The following WWC2 variants were observed in gnomAD, a reference collection of about 807,000 sequenced individuals.
WWC2 encodes the protein WW and C2 domain containing 2.
Under a neutral mutation model 138.5 loss-of-function variants are expected in WWC2, and 101 were observed. That is an observed-to-expected ratio of 0.73 (90% CI 0.62 to 0.86). WWC2 has a LOEUF of 0.86. Ranked by LOEUF, WWC2 falls within the 40% of genes least tolerant of loss-of-function variation. WWC2 has a pLI of 0.00. For missense variants in WWC2, 1,420 were observed against 1,419.4 expected (o/e 1.00, Z -0.01); for synonymous variants, 558 against 538.4 (o/e 1.04, Z -0.50).
At chr4:183,216,392 T>C (rs1036787699) in intron 4 of WWC2, among the ~76,000 whole-genome samples, 2 of 152,156 alleles carry the variant, frequency 1.3e-5, no homozygotes, top group African/African-American at 4.8e-5. Flanking sequence ...AGAGAGAAGG[T>C]GATATTGGTG....
chr4:183,161,321 A>C (rs1322304992), intron 1 of WWC2, among the ~76,000 whole-genome samples: 2 of 152,198 alleles, frequency 1.3e-5, no homozygotes, highest in African/African-American at 4.8e-5. Context: ...TTGAGCTTTT[A>C]AGGCCTGTTA....
At chr4:183,156,029 T>A (rs1341120876) in intron 1 of WWC2, among the ~76,000 whole-genome samples, 1 of 220 alleles carries the variant, frequency 4.5e-3, no homozygotes, top group African/African-American at 8.5e-3. Context: ...TTTCTTTCCT[T>A]TTTTTTTTCT....
At chr4:183,214,185 G>C (rs971040067) in intron 4 of WWC2, among the ~76,000 whole-genome samples, 1 of 152,136 alleles carries the variant, frequency 6.6e-6, no homozygotes, top group Non-Finnish European at 1.5e-5. Flanking sequence ...TATTTGCACC[G>C]CATTCCAAAC....
At chr4:183,121,612 ATATT>A (rs1373723061) in intron 1 of WWC2, among the ~76,000 whole-genome samples, 1 of 152,170 alleles carries the variant, frequency 6.6e-6, no homozygotes, top group African/African-American at 2.4e-5. Context: ...GTACCAATAT[ATATT>A]CCCAGTAACC....
chr4:183,243,737 C>CTGTGTGTGTGTGTG (rs56654737), intron 5 of WWC2, among the ~76,000 whole-genome samples: 2 of 129,996 alleles, frequency 1.5e-5, no homozygotes, highest in African/African-American at 5.8e-5. Flanking sequence ...ATTCTAAACA[C>CTGTGTGTGTGTGTG]TGTGTGTGTG....
chr4:183,270,759 A>G (rs2111381150), intron 15 of WWC2, among the ~76,000 whole-genome samples: 1 of 152,262 alleles, frequency 6.6e-6, no homozygotes, highest in African/African-American at 2.4e-5. Context: ...GCAAGACTCC[A>G]TCTCAAAAAT....
At chr4:183,229,623 G>T (rs1355276846) in intron 4 of WWC2, among the ~76,000 whole-genome samples, 1 of 151,968 alleles carries the variant, frequency 6.6e-6, no homozygotes. Context: ...TCACCTCTGT[G>T]GTATTCTTTT....
chr4:183,256,029 T>G (rs2111346700), intron 9 of WWC2, among the ~76,000 whole-genome samples: 1 of 152,248 alleles, frequency 6.6e-6, no homozygotes, highest in South Asian at 2.1e-4. Flanking sequence ...GTAAGTGGTG[T>G]GGATATGATA....
At chr4:183,262,430 C>T (rs771025506) in intron 11 of WWC2, among the ~76,000 whole-genome samples, 1 of 152,218 alleles carries the variant, frequency 6.6e-6, no homozygotes, top group Non-Finnish European at 1.5e-5. Flanking sequence ...TTCCTGTTCC[C>T]AGAAGCATTT....
intron 1 of WWC2, among the ~76,000 whole-genome samples, chr4:183,156,551 C>T (rs932809154): frequency 6.6e-6 from 1 of 152,042 alleles, no homozygotes; most frequent in Non-Finnish European, 1.5e-5. Flanking sequence ...AGACTGTTTT[C>T]GAACTCCTGA....
Position 183,315,776 on chromosome 4 carries a change from G to A in WWC2, c.*47G>A. 2 of 1,490,102 alleles carry A rather than the reference G, an allele frequency of 1.3e-6. No homozygotes were observed. Among genetic ancestry groups the A allele is most frequent in the South Asian group, 2.4e-5 (2 of 82,062 alleles). 92.3% of individuals were successfully genotyped at this position (1,490,102 alleles called of 1,614,324 possible). ...TTTTTCATCTGTTCACTTTCTTAGGGAGGGTAAAAGACTGAAGATTTGTGT... is the reference window on the plus strand; with the variant it reads ...TTTTTCATCTGTTCACTTTCTTAGGAAGGGTAAAAGACTGAAGATTTGTGT... On this transcript the variant is annotated 3_prime_UTR_variant, in exon 23 of 23. Coordinates refer to ENST00000403733, the MANE Select transcript of WWC2 (RefSeq NM_024949.6).
Position 183,132,752 on chromosome 4 carries a change from C to T in WWC2, c.131+33130C>T, listed in dbSNP as rs937228150. Among the ~76,000 whole-genome samples, 42 of 151,910 alleles carry T rather than the reference C, an allele frequency of 2.8e-4. 1 individual carries two copies. The highest frequency in any genetic ancestry group is 8.4e-4 in the African/African-American group (35 of 41,450). ...ACAGGCGTGAGCCACCGCGCCCGGC[C>T]GATTTTCTGTTTCTTTTGAGGTAAT... On this transcript the variant is annotated intron_variant, in intron 1 of 22. Transcript: ENST00000403733.
intron 6 of WWC2, among the ~76,000 whole-genome samples, chr4:183,248,445 AT>A (rs1736863685): frequency 6.6e-6 from 1 of 152,212 alleles, no homozygotes; most frequent in African/African-American, 2.4e-5. Context: ...ACATGCATGT[AT>A]TTTAAAGATA....
chr4:183,218,790 T>A lies in WWC2; in HGVS notation c.522+9765T>A, dbSNP rs559785102. Among the ~76,000 whole-genome samples the A allele has an allele frequency of 2.0e-4, 31 of 152,320 alleles. No individual in the cohort carries two copies. The South Asian group carries it at 4.4e-3, about 21-fold the overall frequency. On this transcript the variant is annotated intron_variant, in intron 4 of 22. Transcript: ENST00000403733. ...ACTAGGTTAGAGAGGTCAGTTTTTT[T>A]ATTCTGATCAGGGCTTCAACTGATT...
intron 21 of WWC2, among the ~76,000 whole-genome samples, chr4:183,299,933 A>G (rs1738772439): frequency 6.6e-6 from 1 of 152,212 alleles, no homozygotes; most frequent in African/African-American, 2.4e-5. Flanking sequence ...GAAAACTGTC[A>G]GGTCTCAGGG....
chr4:183,236,738 G>A (rs1343771302), intron 4 of WWC2, among the ~76,000 whole-genome samples: 1 of 152,130 alleles, frequency 6.6e-6, no homozygotes, highest in African/African-American at 2.4e-5. Flanking sequence ...TTTTGCTCAG[G>A]ATATTCTGGG....
intron 4 of WWC2, among the ~76,000 whole-genome samples, chr4:183,231,341 C>T (rs537589817): frequency 5.4e-4 from 77 of 143,344 alleles, no homozygotes; most frequent in African/African-American, 1.9e-3. Context: ...GCGATCTCAG[C>T]TCATCACAAC....
chr4:183,131,742 T>C (rs955951741), intron 1 of WWC2, among the ~76,000 whole-genome samples: 6 of 152,246 alleles, frequency 3.9e-5, no homozygotes, highest in Non-Finnish European at 8.8e-5. Flanking sequence ...TTTTGTTTTT[T>C]GTTCATCCTG....
intron 9 of WWC2, 50 bp from the exon 10 acceptor site, chr4:183,259,589 G>C: frequency 7.6e-7 from 1 of 1,315,544 alleles, no homozygotes; most frequent in Admixed American, 2.5e-5. Flanking sequence ...TTTCCTTTTA[G>C]TTTTCATATT....
Sources: gnomAD v4.1 joint callset for allele counts (sites outside exome capture counted in the v4.1 genomes callset) on GRCh38, gnomAD v4.1.1 for gene constraint, MANE v1.5 for transcripts, NCBI Gene and HGNC (gene_info 2026-07-23, HGNC 2026-07-21) for gene names.